PCDHB14: variants seen among roughly 807,000 people sequenced by gnomAD.
The protein encoded by PCDHB14 is protocadherin beta-14.
For missense variants in PCDHB14, 1,129 were observed against 1,000.5 expected, an observed-to-expected ratio of 1.13 and a Z score of -1.73; for synonymous variants, 511 against 441.5, an observed-to-expected ratio of 1.16 and a Z score of -1.97.
chr5:141,225,858 G>A lies in PCDHB14; in HGVS notation c.2353G>A (p.Glu785Lys). 1 of 1,613,960 alleles carries A rather than the reference G, an allele frequency of 6.2e-7. No homozygotes were observed. The highest frequency in any genetic ancestry group is 8.5e-7 in the Non-Finnish European group (1 of 1,179,952). The part of the protein sequence containing the change: ...QVHDTGRNMG[E>K]IENFRNSFGL... ...TCATGACACTGGTAGGAATATGGGG[G>A]AAATCGAGAACTTTCGAAATAGCTT... The change falls in exon 1 of 1, where the codon GAA becomes AAA. Residue 785 changes from glutamate (E) to lysine (K), a missense_variant. Physicochemically the swap from Glu to Lys is moderately conservative, Grantham distance 56. Coordinates refer to ENST00000239449, the MANE Select transcript of PCDHB14 (RefSeq NM_018934.4).
rs1754847804 is a variant in PCDHB14 at position 141,225,796 on chromosome 5, T to A, written c.2291T>A (p.Phe764Tyr). Residue 764 changes from phenylalanine to tyrosine, a missense_variant, in exon 1 of 1, where the codon TTC becomes TAC. Physicochemically the swap from Phe to Tyr is conservative, Grantham distance 22. Coordinates refer to ENST00000239449, the MANE Select transcript of PCDHB14 (RefSeq NM_018934.4). ...CLTGGSGTNE[F>Y]KFLKPIIPNF... ...ACAGGAGGTTCCGGGACAAATGAGT[T>A]CAAATTTCTGAAGCCGATTATCCCC... The A allele has an allele frequency of 1.2e-6, 2 of 1,614,188 alleles. No homozygotes were observed. Among genetic ancestry groups the A allele is most frequent in the South Asian group, 2.2e-5 (2 of 91,082 alleles).
At position 141,225,362 on chromosome 5, in the gene PCDHB14, G is replaced by A. The variant is rs1377445446; in HGVS notation, c.1857G>A (p.Ala619=). 3 of 1,603,416 alleles carry A rather than the reference G, an allele frequency of 1.9e-6. No homozygotes were observed. Among genetic ancestry groups the A allele is most frequent in the Non-Finnish European group, 1.7e-6 (2 of 1,179,270 alleles). ...ATEPGLFGVW[A]HNGEVRTARL... ...AGCCCGGGCTGTTCGGCGTGTGGGC[G>A]CACAATGGCGAGGTGCGCACCGCCA... The change falls in exon 1 of 1, where the codon GCG becomes GCA. Residue 619 remains alanine, a synonymous_variant. Transcript: ENST00000239449.
In PCDHB14 at chr5:141,225,896, T is replaced by C; in HGVS notation, c.2391T>C (p.Ile797=). ...ENFRNSFGLN[I]Q ...TTCGAAATAGCTTTGGACTTAACAT[T>C]CAATAAAACAATTTATTTTAAATGT... is the stretch of plus-strand genomic sequence containing the variant. Residue 797 remains isoleucine, a synonymous_variant, in exon 1 of 1, where the codon ATT becomes ATC. Transcript: ENST00000239449. 1 of 1,596,462 alleles carries C rather than the reference T, an allele frequency of 6.3e-7. No homozygotes were observed. The highest frequency in any genetic ancestry group is 8.5e-7 in the Non-Finnish European group (1 of 1,171,506).
rs1588398828 is a variant in PCDHB14 at position 141,225,652 on chromosome 5, G to A, written c.2147G>A (p.Arg716Lys). 2.5e-6 allele frequency: 4 copies of A among 1,613,708 alleles called. No individual in the cohort carries two copies. The highest frequency in any genetic ancestry group is 3.4e-6 in the Non-Finnish European group (4 of 1,180,010). Residue 716 changes from arginine to lysine, a missense_variant, in exon 1 of 1, where the codon AGG (arginine) becomes AAG (lysine). Transcript: ENST00000239449. ...TTCGTGGCGGTGCGGCTGTGCAGGA[G>A]GAGCAGGGCGGCCTCGGTGGGTCGC... Reference protein sequence around the residue: ...LLFVAVRLCRRSRAASVGRCS... With the variant: ...LLFVAVRLCRKSRAASVGRCS...
At position 141,225,765 on chromosome 5, in the gene PCDHB14, T is replaced by A; in HGVS notation, c.2260T>A (p.Cys754Ser). The change falls in exon 1 of 1, where the codon TGT becomes AGT. Residue 754 changes from cysteine (C) to serine (S), a missense_variant. Cys to Ser is a moderately radical substitution (Grantham distance 112). Transcript: ENST00000239449. ...TLSQSYQYEV[C>S]LTGGSGTNEF... The stretch of plus-strand genomic sequence containing the variant: ...GTCCCAGAGCTACCAATACGAGGTG[T>A]GTCTGACAGGAGGTTCCGGGACAAA... 1 of 1,614,204 alleles carries A rather than the reference T, an allele frequency of 6.2e-7. No individual in the cohort carries two copies. Among genetic ancestry groups the A allele is most frequent in the East Asian group, 2.2e-5 (1 of 44,862 alleles).
chr5:141,226,885 T>C lies in PCDHB14; in HGVS notation c.*983T>C, dbSNP rs1554289679. On this transcript the variant is annotated 3_prime_UTR_variant, in exon 1 of 1. Coordinates refer to ENST00000239449, the MANE Select transcript of PCDHB14 (RefSeq NM_018934.4). The stretch of plus-strand genomic sequence containing the variant: ...TCACTTTGTTGTCCAGGCTAGAGAG[T>C]AGTGGCAGGATCTTGGCTCACTGCA... 1 of 152,114 alleles carries C rather than the reference T, an allele frequency of 6.6e-6. No individual in the cohort carries two copies. 9.4% of individuals were successfully genotyped at this position (152,114 alleles called of 1,614,324 possible).
chr5:141,225,491 G>C lies in PCDHB14; in HGVS notation c.1986G>C (p.Leu662=). 6.2e-7 allele frequency: 1 copy of C among 1,606,630 alleles called. No individual in the cohort carries two copies. The highest frequency in any genetic ancestry group is 8.5e-7 in the Non-Finnish European group (1 of 1,179,662). The change falls in exon 1 of 1, where the codon CTG becomes CTC. Residue 662 remains leucine, a synonymous_variant. Transcript: ENST00000239449. The part of the protein sequence containing the change: ...RSATATLHVL[L]VDGFSQPYLP... Reference sequence around the variant, plus strand: ...CCACCGCCACGCTGCACGTGCTCCTGGTGGACGGCTTCTCCCAGCCCTACC... The same window carrying C: ...CCACCGCCACGCTGCACGTGCTCCTCGTGGACGGCTTCTCCCAGCCCTACC...
In PCDHB14 at chr5:141,223,858, G is replaced by T. The variant is rs879951511; in HGVS notation, c.353G>T (p.Arg118Leu). The change falls in exon 1 of 1, where the codon CGG becomes CTG. Residue 118 changes from arginine to leucine, a missense_variant. Coordinates refer to ENST00000239449, the MANE Select transcript of PCDHB14 (RefSeq NM_018934.4). Reference protein sequence around the residue: ...VVLENPLQFFRFELCVKDIND... With the variant: ...VVLENPLQFFLFELCVKDIND... ...TTGGAAAACCCTTTACAGTTTTTTC[G>T]GTTTGAGCTGTGTGTCAAAGACATA... is the stretch of plus-strand genomic sequence containing the variant. 2.5e-6 allele frequency: 4 copies of T among 1,612,186 alleles called. No individual in the cohort carries two copies. The highest frequency in any genetic ancestry group is 3.4e-6 in the Non-Finnish European group (4 of 1,179,524).
At position 141,223,565 on chromosome 5, in the gene PCDHB14, G is replaced by T. The variant is rs1157579601; in HGVS notation, c.60G>T (p.Leu20Phe). 2 of 1,613,988 alleles carry T rather than the reference G, an allele frequency of 1.2e-6. No individual in the cohort carries two copies. The highest frequency in any genetic ancestry group is 1.7e-6 in the Non-Finnish European group (2 of 1,180,018). The change falls in exon 1 of 1, where the codon TTG (leucine) becomes TTT (phenylalanine). Residue 20 changes from leucine to phenylalanine, a missense_variant. Leu to Phe is a conservative substitution (Grantham distance 22, BLOSUM62 0). Transcript: ENST00000239449. ...GGCAAGTTCTAATATTCCTTGTTTT[G>T]CTGGGATTGTCTCGGGCAGGTACTG... ...RKRQVLIFLVLLGLSRAGTES... is the reference protein window; with the variant it reads ...RKRQVLIFLVFLGLSRAGTES...
Position 141,225,720 on chromosome 5 carries a change from G to T in PCDHB14, c.2215G>T (p.Val739Leu), listed in dbSNP as rs145800994. 4 of 1,614,112 alleles carry T rather than the reference G, an allele frequency of 2.5e-6. No individual in the cohort carries two copies. Among genetic ancestry groups the T allele is most frequent in the East Asian group, 2.2e-5 (1 of 44,870 alleles). The change falls in exon 1 of 1, where the codon GTG (valine) becomes TTG (leucine). Residue 739 changes from valine to leucine, a missense_variant. Physicochemically the swap from Val to Leu is conservative, Grantham distance 32 (BLOSUM62 1). Coordinates refer to ENST00000239449, the MANE Select transcript of PCDHB14 (RefSeq NM_018934.4). ...EGPFPGHLVD[V>L]SGTGTLSQSY... is the part of the protein sequence containing the mutation. ...TCCCTTTCCAGGGCATCTGGTGGAC[G>T]TGAGCGGCACCGGGACCCTGTCCCA...
Position 141,224,916 on chromosome 5 carries a change from G to T in PCDHB14, c.1411G>T (p.Gly471Cys), listed in dbSNP as rs374105052. The change falls in exon 1 of 1, where the codon GGC becomes TGC. Residue 471 changes from glycine (G) to cysteine (C), a missense_variant. By Grantham distance (159) the Gly-to-Cys change is radical. Coordinates refer to ENST00000239449, the MANE Select transcript of PCDHB14 (RefSeq NM_018934.4). ...RENNSPALHI[G>C]SVSATDRDSG... Reference sequence around the variant, plus strand: ...GAACAACAGCCCCGCCCTGCACATCGGCAGCGTCAGCGCCACAGACAGAGA... The same window carrying T: ...GAACAACAGCCCCGCCCTGCACATCTGCAGCGTCAGCGCCACAGACAGAGA... 60 of 1,612,772 alleles carry T rather than the reference G, an allele frequency of 3.7e-5. No individual in the cohort carries two copies. Among genetic ancestry groups the T allele is most frequent in the Middle Eastern group, 2.0e-4 (1 of 5,100 alleles).
In PCDHB14 at chr5:141,227,431, CAT is replaced by C. The variant is rs782658028; in HGVS notation, c.*1532_*1533del. 4 of 152,214 alleles carry C rather than the reference CAT, an allele frequency of 2.6e-5. No individual in the cohort carries two copies. The highest frequency in any genetic ancestry group is 3.4e-3 in the Middle Eastern group (1 of 294). The allele number at this position is 152,214 out of a possible 1,614,324, so 9.4% of individuals were successfully genotyped here. A position where few individuals can be genotyped will look rare whatever the true frequency, so the allele number is the denominator to read the frequency against. ...GGTTTATAGTTGCCTCATCATGTAA[CAT>C]ATTATATCTCAGCTCTAAAAGAAAG... On this transcript the variant is annotated 3_prime_UTR_variant, in exon 1 of 1. Coordinates refer to ENST00000239449, the MANE Select transcript of PCDHB14 (RefSeq NM_018934.4).
Position 141,223,857 on chromosome 5 carries a change from C to T in PCDHB14, c.352C>T (p.Arg118Trp), listed in dbSNP as rs1554289057. ...VVLENPLQFFRFELCVKDIND... is the reference protein window; with the variant it reads ...VVLENPLQFFWFELCVKDIND... The stretch of plus-strand genomic sequence containing the variant: ...TTTGGAAAACCCTTTACAGTTTTTT[C>T]GGTTTGAGCTGTGTGTCAAAGACAT... The change falls in exon 1 of 1, where the codon CGG becomes TGG. Residue 118 changes from arginine to tryptophan, a missense_variant. Physicochemically the swap from Arg to Trp is moderately radical, Grantham distance 101 (BLOSUM62 -3). Transcript: ENST00000239449. The T allele has an allele frequency of 6.2e-7, 1 of 1,612,146 alleles. No homozygotes were observed. Among genetic ancestry groups the T allele is most frequent in the East Asian group, 2.2e-5 (1 of 44,852 alleles).
rs76671799 is a variant in PCDHB14, at chr5:141,225,520, C to A, written c.2015C>A (p.Pro672Gln). The change falls in exon 1 of 1, where the codon CCG becomes CAG. Residue 672 changes from proline to glutamine, a missense_variant. By Grantham distance (76) the Pro-to-Gln change is moderately conservative. Transcript: ENST00000239449. ...LVDGFSQPYLPLPEAAPAQAQ... is the reference protein window; with the variant it reads ...LVDGFSQPYLQLPEAAPAQAQ... The stretch of plus-strand genomic sequence containing the variant: ...GACGGCTTCTCCCAGCCCTACCTGC[C>A]GCTCCCTGAGGCGGCCCCGGCCCAG... The A allele has an allele frequency of 5.0e-6, 8 of 1,609,238 alleles. No individual in the cohort carries two copies. The Admixed American group carries it at 8.3e-5, about 17-fold the overall frequency.
Position 141,224,455 on chromosome 5 carries a change from T to C in PCDHB14, c.950T>C (p.Ile317Thr), listed in dbSNP as rs200406008. ...LDFEVIQSYT[I>T]NIQATDGGGL... ...TTTGAAGTAATACAGTCCTACACTA[T>C]AAATATTCAGGCAACAGATGGTGGG... is the stretch of plus-strand genomic sequence containing the variant. Residue 317 changes from isoleucine to threonine, a missense_variant, in exon 1 of 1, where the codon ATA becomes ACA. Ile to Thr is a moderately conservative substitution (Grantham distance 89, BLOSUM62 -1). Coordinates refer to ENST00000239449, the MANE Select transcript of PCDHB14 (RefSeq NM_018934.4). The C allele has an allele frequency of 1.6e-5, 25 of 1,611,566 alleles. No individual in the cohort carries two copies.
In PCDHB14 at chr5:141,224,161, C is replaced by A. The variant is rs781926933; in HGVS notation, c.656C>A (p.Ser219Tyr). 2 of 1,614,032 alleles carry A rather than the reference C, an allele frequency of 1.2e-6. No individual in the cohort carries two copies. Among genetic ancestry groups the A allele is most frequent in the South Asian group, 1.1e-5 (1 of 91,088 alleles). ...RLTLTAVDGG[S>Y]PPKSGTTLVL... ...ACACTCACAGCAGTGGATGGTGGAT[C>A]CCCGCCCAAGTCTGGGACAACTTTG... The change falls in exon 1 of 1, where the codon TCC (serine) becomes TAC (tyrosine). Residue 219 changes from serine (S) to tyrosine (Y), a missense_variant. Transcript: ENST00000239449.
In PCDHB14 at chr5:141,223,714, A is replaced by G. The variant is rs369032811; in HGVS notation, c.209A>G (p.Asp70Gly). The G allele has an allele frequency of 1.2e-6, 2 of 1,613,940 alleles. No individual in the cohort carries two copies. Among genetic ancestry groups the G allele is most frequent in the South Asian group, 1.1e-5 (1 of 91,068 alleles). ...SSREARVVSD[D>G]NKKYLHLDLL... The stretch of plus-strand genomic sequence containing the variant: ...CGTGAAGCCCGGGTAGTGTCTGATG[A>G]TAATAAAAAGTATTTGCACCTTGAT... Residue 70 changes from aspartate (D) to glycine (G), a missense_variant, in exon 1 of 1, where the codon GAT becomes GGT. By Grantham distance (94) the Asp-to-Gly change is moderately conservative. Coordinates refer to ENST00000239449, the MANE Select transcript of PCDHB14 (RefSeq NM_018934.4).
Position 141,224,951 on chromosome 5 carries a change from C to A in PCDHB14, c.1446C>A (p.Thr482=). Reference sequence around the variant, plus strand: ...GCGCCACAGACAGAGACTCAGGCACCAACGCCCAGGTCAACTACTCGCTGC... The same window carrying A: ...GCGCCACAGACAGAGACTCAGGCACAAACGCCCAGGTCAACTACTCGCTGC... The part of the protein sequence containing the change: ...SVSATDRDSG[T]NAQVNYSLLP... Residue 482 remains threonine, a synonymous_variant, in exon 1 of 1, where the codon ACC becomes ACA. Coordinates refer to ENST00000239449, the MANE Select transcript of PCDHB14 (RefSeq NM_018934.4). 6.2e-7 allele frequency: 1 copy of A among 1,612,700 alleles called. No individual in the cohort carries two copies. The highest frequency in any genetic ancestry group is 8.5e-7 in the Non-Finnish European group (1 of 1,180,036).
chr5:141,224,857 T>C lies in PCDHB14; in HGVS notation c.1352T>C (p.Phe451Ser). 1 of 1,613,590 alleles carries C rather than the reference T, an allele frequency of 6.2e-7. No individual in the cohort carries two copies. The highest frequency in any genetic ancestry group is 8.5e-7 in the Non-Finnish European group (1 of 1,179,974). The change falls in exon 1 of 1, where the codon TTC becomes TCC. Residue 451 changes from phenylalanine to serine, a missense_variant. By Grantham distance (155) the Phe-to-Ser change is radical. Transcript: ENST00000239449. ...LSDVNDNAPT[F>S]TQTSYTLFVR... ...GACGTCAATGACAACGCCCCCACCT[T>C]CACCCAAACCTCCTACACCCTGTTC... is the stretch of plus-strand genomic sequence containing the variant.
Sources: allele counts gnomAD v4.1 joint callset, GRCh38; gene constraint gnomAD v4.1.1; transcripts MANE v1.5; gene names NCBI Gene and HGNC (gene_info 2026-07-23, HGNC 2026-07-21).